Variants in SKI observed in about 807,000 individuals in gnomAD.
The protein encoded by SKI is SKI proto-oncogene.
A neutral mutation model predicts 59.3 loss-of-function variants in SKI; 23 were observed. The observed-to-expected ratio is 0.39, with a 90% CI of 0.28 to 0.55. The LOEUF is 0.55. SKI is among the 20% of genes least tolerant of loss of function. The pLI, the probability that SKI is intolerant of heterozygous loss-of-function variation, is 0.67. For missense variants in SKI, 1,017 were observed against 1,038.9 expected (o/e 0.98, Z 0.29); for synonymous variants, 673 against 488.6 (o/e 1.38, Z -4.98).
At chr1:2,271,875 G>A (rs960959513) in intron 1 of SKI, among the ~76,000 whole-genome samples, 1 of 152,234 alleles carries the variant, frequency 6.6e-6, no homozygotes, top group African/African-American at 2.4e-5. Context: ...AGGATTGGCT[G>A]GTGATGCTTC....
chr1:2,273,682 A>G (rs1362922598), intron 1 of SKI, among the ~76,000 whole-genome samples: 2 of 152,178 alleles, frequency 1.3e-5, no homozygotes, highest in Non-Finnish European at 2.9e-5. Context: ...GTGTGGACCC[A>G]GCCAGGAGGC....
At chr1:2,233,327 C>G (rs896940157) in intron 1 of SKI, among the ~76,000 whole-genome samples, 2 of 151,846 alleles carry the variant, frequency 1.3e-5, no homozygotes, top group African/African-American at 4.8e-5. Flanking sequence ...GGGGGCCGGG[C>G]GTCCTGTTCC....
rs551690918 is a variant in SKI at position 2,264,338 on chromosome 1, C to T, written c.969+34603C>T. 2.3e-3 allele frequency among the ~76,000 whole-genome samples: 346 copies of T among 152,136 alleles called. 2 individuals are homozygous for T. The highest frequency in any genetic ancestry group is 7.7e-3 in the African/African-American group (318 of 41,480). On this transcript the variant is annotated intron_variant, in intron 1 of 6. Transcript: ENST00000378536. ...AGGCTGAAGTGCAGTGGCACGATCT[C>T]GGCTCACTGCAACCTCTGCCTCTGG...
At chr1:2,275,965 C>G (rs1258159510) in intron 1 of SKI, among the ~76,000 whole-genome samples, 1 of 152,196 alleles carries the variant, frequency 6.6e-6, no homozygotes, top group Non-Finnish European at 1.5e-5. Context: ...AGGCCCTACA[C>G]TCCTGAAGGG....
chr1:2,241,196 C>T (rs1335123931), intron 1 of SKI, among the ~76,000 whole-genome samples: 4 of 152,236 alleles, frequency 2.6e-5, no homozygotes. Flanking sequence ...GAACAATTCT[C>T]ATTTTACTGT....
intron 1 of SKI, among the ~76,000 whole-genome samples, chr1:2,233,451 A>G (rs1342827487): frequency 6.6e-6 from 1 of 152,122 alleles, no homozygotes; most frequent in African/African-American, 2.4e-5. Context: ...TCTGTCCTGC[A>G]GATGCCTGAA....
chr1:2,257,506 C>A (rs1399672707), intron 1 of SKI, among the ~76,000 whole-genome samples: 3 of 152,248 alleles, frequency 2.0e-5, no homozygotes, highest in Admixed American at 6.5e-5. Flanking sequence ...TGGCCCCCAG[C>A]CGCCTCCTCC....
chr1:2,267,590 C>G lies in SKI; in HGVS notation c.970-35388C>G, dbSNP rs1196754244. On this transcript the variant is annotated intron_variant, in intron 1 of 6. Coordinates refer to ENST00000378536, the MANE Select transcript of SKI (RefSeq NM_003036.4). The surrounding 1 kb of genome is among the most constrained non-coding windows in gnomAD (Gnocchi z 4.1). ...TGAGGGAGTGGGGCATTAGGGGCCA[C>G]GTGGTCAGCACTGCACTCTGCTCTC... Among the ~76,000 whole-genome samples the G allele has an allele frequency of 1.3e-5, 2 of 152,130 alleles. No individual in the cohort carries two copies. The highest frequency in any genetic ancestry group is 6.5e-5 in the Admixed American group (1 of 15,278).
chr1:2,236,374 C>T (rs1314171062), intron 1 of SKI, among the ~76,000 whole-genome samples: 1 of 152,124 alleles, frequency 6.6e-6, no homozygotes, highest in Admixed American at 6.5e-5. Flanking sequence ...CATTCTTTGG[C>T]TAGAAGGAGA....
At chr1:2,297,332 G>A (rs897808008) in intron 1 of SKI, among the ~76,000 whole-genome samples, 1 of 152,212 alleles carries the variant, frequency 6.6e-6, no homozygotes, top group African/African-American at 2.4e-5. Flanking sequence ...CAGCCACACC[G>A]AAGAGAACCT....
intron 1 of SKI, among the ~76,000 whole-genome samples, chr1:2,254,402 C>T (rs894130489): frequency 3.3e-5 from 5 of 152,328 alleles, no homozygotes; most frequent in South Asian, 2.1e-4. Context: ...GACATGTCCC[C>T]GTCCCAAACA....
chr1:2,250,125 C>T (rs544911369), intron 1 of SKI, among the ~76,000 whole-genome samples: 12 of 152,280 alleles, frequency 7.9e-5, no homozygotes, highest in African/African-American at 2.4e-4. Flanking sequence ...AAGCTAGTCT[C>T]GAACTCCTGA....
chr1:2,260,529 CTTTTTCTTTTTT>C lies in SKI; in HGVS notation c.969+30800_969+30811del, dbSNP rs1390123716. On this transcript the variant is annotated intron_variant, in intron 1 of 6. Coordinates refer to ENST00000378536, the MANE Select transcript of SKI (RefSeq NM_003036.4). ...ATGGGATCCAATTTTTCAGTTTGTT[CTTTTTCTTTTTT>C]TTTTTTTTTTTTTTTTTGAGACAGG... Among the ~76,000 whole-genome samples, 3 of 51,324 alleles carry C rather than the reference CTTTTTCTTTTTT, an allele frequency of 5.8e-5. No homozygotes were observed. In the Admixed American group the frequency reaches 6.9e-4, roughly 12 times the overall value. The allele number at this position is 51,324 out of a possible 152,430, so 33.7% of individuals were successfully genotyped here.
intron 1 of SKI, among the ~76,000 whole-genome samples, chr1:2,295,689 C>T (rs1014563605): frequency 1.3e-5 from 2 of 150,238 alleles, no homozygotes; most frequent in Admixed American, 6.6e-5. Flanking sequence ...CCGGGTCACA[C>T]GTGACTGTGT....
chr1:2,279,706 C>A (rs563931375), intron 1 of SKI, among the ~76,000 whole-genome samples: 235 of 152,276 alleles, frequency 1.5e-3, no homozygotes, highest in Non-Finnish European at 2.6e-3. Context: ...CAGAACAGTT[C>A]TTTCTTCCTT....
Position 2,309,440 on chromosome 1 carries a change from A to G in SKI, c.*2675A>G, listed in dbSNP as rs1217511308. The G allele has an allele frequency of 6.6e-6, 1 of 152,148 alleles. No homozygotes were observed. The highest frequency in any genetic ancestry group is 1.9e-4 in the East Asian group (1 of 5,202). The allele number at this position is 152,148 out of a possible 1,614,324, so 9.4% of individuals were successfully genotyped here. On this transcript the variant is annotated 3_prime_UTR_variant, in exon 7 of 7. Transcript: ENST00000378536. Reference sequence around the variant, plus strand: ...TTTCGTACAGAACTAGCCAATGTAAAAACAGTTCACCTGTAAATACTTTTT... The same window carrying G: ...TTTCGTACAGAACTAGCCAATGTAAGAACAGTTCACCTGTAAATACTTTTT...
intron 1 of SKI, among the ~76,000 whole-genome samples, chr1:2,274,443 G>C (rs1639698218): frequency 6.6e-6 from 1 of 152,052 alleles, no homozygotes; most frequent in Admixed American, 6.5e-5. Context: ...GCCGAGGGTG[G>C]TGTGGGGCTG....
chr1:2,266,732 C>G lies in SKI; in HGVS notation c.970-36246C>G, dbSNP rs531625334. 4.6e-5 allele frequency among the ~76,000 whole-genome samples: 7 copies of G among 152,258 alleles called. No individual in the cohort carries two copies. The South Asian group carries it at 8.3e-4, about 18-fold the overall frequency. ...CCTCCAGCTTCTCTCATCAGCCACCCCGTTCATCCACTCCATTTGTAAAAT... is the reference window on the plus strand; with the variant it reads ...CCTCCAGCTTCTCTCATCAGCCACCGCGTTCATCCACTCCATTTGTAAAAT... On this transcript the variant is annotated intron_variant, in intron 1 of 6. Coordinates refer to ENST00000378536, the MANE Select transcript of SKI (RefSeq NM_003036.4).
chr1:2,239,450 G>A (rs369222369), intron 1 of SKI, among the ~76,000 whole-genome samples: 2 of 152,228 alleles, frequency 1.3e-5, no homozygotes, highest in Non-Finnish European at 2.9e-5. Context: ...GACCTGCCTC[G>A]TGCGTGGTCT....
Sources: gnomAD v4.1 joint callset for allele counts (sites outside exome capture counted in the v4.1 genomes callset) on GRCh38, gnomAD v4.1.1 for gene constraint, Gnocchi (gnomAD v3.1) non-coding constraint, MANE v1.5 for transcripts, NCBI Gene and HGNC (gene_info 2026-07-23, HGNC 2026-07-21) for gene names.